MRPL22: variants seen among roughly 807,000 people sequenced by gnomAD.
MRPL22 encodes mitochondrial ribosomal protein L22.
In MRPL22, 27 loss-of-function variants were observed where a neutral mutation model predicts 32.4. The ratio of observed to expected loss-of-function variants is 0.83; its 90% confidence interval spans 0.61 to 1.15. The LOEUF (loss-of-function observed/expected upper bound fraction) is 1.15. Ranked by LOEUF, MRPL22 falls within the 50% of genes most tolerant of loss-of-function variation. The pLI is 0.00. For synonymous variants in MRPL22, 86 were observed against 87.3 expected (o/e 0.99, Z 0.08); for missense variants, 239 against 260.2 (o/e 0.92, Z 0.56).
chr5:154,961,480 A>G (rs1270972712), intron 6 of MRPL22, among the ~76,000 whole-genome samples: 1 of 152,204 alleles, frequency 6.6e-6, no homozygotes, highest in Non-Finnish European at 1.5e-5. Context: ...TAGCTGATAG[A>G]CTTTCTAATG....
chr5:154,948,745 C>G (rs1764523873), intron 2 of MRPL22, among the ~76,000 whole-genome samples: 1 of 152,208 alleles, frequency 6.6e-6, no homozygotes, highest in African/African-American at 2.4e-5. Flanking sequence ...TTTTCCTCAT[C>G]TACTACTTGG....
chr5:154,954,687 C>T (rs1764608950), intron 3 of MRPL22, among the ~76,000 whole-genome samples: 1 of 152,196 alleles, frequency 6.6e-6, no homozygotes. Context: ...ATCCTCTGGT[C>T]AGGATTACCA....
chr5:154,956,085 C>T, intron 3 of MRPL22: 1 of 291,552 alleles, frequency 3.4e-6, no homozygotes, highest in Non-Finnish European at 6.3e-6. Flanking sequence ...TCATTTAAAT[C>T]TTTTAGGATT....
At chr5:154,966,573 C>G in intron 6 of MRPL22, 113 bp from the exon 7 acceptor site, 2 of 1,086,018 alleles carry the variant, frequency 1.8e-6, no homozygotes. Flanking sequence ...TCTAGCCAAC[C>G]AGTGAGCCCA....
intron 3 of MRPL22, 26 bp from the exon 4 acceptor site, chr5:154,956,343 TTC>T: frequency 6.6e-7 from 1 of 1,509,258 alleles, no homozygotes; most frequent in Non-Finnish European, 9.2e-7. Flanking sequence ...AACATTTTCT[TTC>T]TGTCCTTTTT....
chr5:154,966,885 T>C lies in MRPL22; in HGVS notation c.609T>C (p.Val203=), dbSNP rs772943536. The C allele has an allele frequency of 1.9e-6, 3 of 1,611,878 alleles. No homozygotes were observed. In the South Asian group the frequency reaches 3.3e-5, roughly 18 times the overall value. The change falls in exon 7 of 7, where the codon GTT becomes GTC. Residue 203 remains valine (V), a synonymous_variant. Transcript: ENST00000523037. ...AGCAGCTTCGCAGCCGGACCATCGT[T>C]CACACTCTATGATGAGGAGATTCAG... ...YIQQLRSRTI[V]HTL
chr5:154,947,822 G>A (rs981259911), intron 2 of MRPL22, among the ~76,000 whole-genome samples: 5 of 152,186 alleles, frequency 3.3e-5, no homozygotes, highest in East Asian at 3.8e-4. Context: ...AAGACAACGC[G>A]AGAATCATGA....
intron 2 of MRPL22, among the ~76,000 whole-genome samples, chr5:154,948,693 T>C (rs1345205027): frequency 6.6e-6 from 1 of 152,246 alleles, no homozygotes; most frequent in Admixed American, 6.5e-5. Context: ...GATGCTATAA[T>C]AATTTGCTAT....
chr5:154,956,664 A>AT, intron 4 of MRPL22: 1 of 446,350 alleles, frequency 2.2e-6, no homozygotes, highest in South Asian at 4.0e-5. Flanking sequence ...ACTAAAAGGC[A>AT]TCAGGAGTTT....
intron 3 of MRPL22, among the ~76,000 whole-genome samples, chr5:154,952,700 T>C (rs975935919): frequency 6.6e-6 from 1 of 152,178 alleles, no homozygotes; most frequent in Non-Finnish European, 1.5e-5. Flanking sequence ...TTACCAGAAA[T>C]AATTTATTCA....
At chr5:154,958,007 C>T (rs1239515667) in intron 5 of MRPL22, among the ~76,000 whole-genome samples, 1 of 149,450 alleles carries the variant, frequency 6.7e-6, no homozygotes, top group Non-Finnish European at 1.5e-5. Flanking sequence ...GTCTCCGCCT[C>T]CTGCGTTCAA....
rs186559152 is a variant in MRPL22, at chr5:154,962,393, A to G, written c.409+2344A>G. 1.4e-4 allele frequency among the ~76,000 whole-genome samples: 22 copies of G among 152,308 alleles called. No individual in the cohort carries two copies. The East Asian group carries it at 4.0e-3, about 28-fold the overall frequency. ...TAATAAACTATTGATTCTTAACCAT[A>G]AAATATGGGAAACTGATTTATCTTA... is the stretch of plus-strand genomic sequence containing the variant. On this transcript the variant is annotated intron_variant, in intron 6 of 6. Coordinates refer to ENST00000523037, the MANE Select transcript of MRPL22 (RefSeq NM_014180.4).
At chr5:154,952,636 A>T (rs1485828123) in intron 3 of MRPL22, among the ~76,000 whole-genome samples, 1 of 152,214 alleles carries the variant, frequency 6.6e-6, no homozygotes, top group Non-Finnish European at 1.5e-5. Context: ...ATATTGGTAC[A>T]TCAGTTGTAC....
chr5:154,946,231 GGTGAT>G (rs1764489196), intron 2 of MRPL22, among the ~76,000 whole-genome samples: 1 of 152,092 alleles, frequency 6.6e-6, no homozygotes, highest in Non-Finnish European at 1.5e-5. Flanking sequence ...TCATGCTGTT[GGTGAT>G]GAGATTAGAG....
chr5:154,960,051 T>C lies in MRPL22; in HGVS notation c.409+2T>C. 1 of 1,585,922 alleles carries C rather than the reference T, an allele frequency of 6.3e-7. No homozygotes were observed. Among genetic ancestry groups the C allele is most frequent in the Non-Finnish European group, 8.7e-7 (1 of 1,155,654 alleles). On this transcript the variant is annotated splice_donor_variant, in intron 6 of 6. Coordinates refer to ENST00000523037, the MANE Select transcript of MRPL22 (RefSeq NM_014180.4). LOFTEE classifies it high-confidence loss of function. ...AATTCAGGTCCAATTTATATATAGG[T>C]AAGATTTTTAATATTCTTAGCATTA... is the stretch of plus-strand genomic sequence containing the variant.
chr5:154,957,315 T>C, intron 5 of MRPL22, 103 bp downstream of exon 5: 1 of 962,330 alleles, frequency 1.0e-6, no homozygotes, highest in Non-Finnish European at 1.6e-6. Context: ...TCCCTAAATT[T>C]TCTGTTGTAA....
intron 2 of MRPL22, among the ~76,000 whole-genome samples, chr5:154,949,768 G>C (rs1249113800): frequency 6.6e-6 from 1 of 152,096 alleles, no homozygotes; most frequent in Non-Finnish European, 1.5e-5. Flanking sequence ...GTTAAAGTGT[G>C]GGGGAAGAGG....
At position 154,968,155 on chromosome 5, in the gene MRPL22, A is replaced by G. The variant is rs1174116835; in HGVS notation, c.*1258A>G. 3 of 152,232 alleles carry G rather than the reference A, an allele frequency of 2.0e-5. No individual in the cohort carries two copies. The highest frequency in any genetic ancestry group is 4.4e-5 in the Non-Finnish European group (3 of 68,040). 9.4% of individuals were successfully genotyped at this position (152,232 alleles called of 1,614,324 possible). A position where few individuals can be genotyped will look rare whatever the true frequency, so the allele number is the denominator to read the frequency against. ...AAATAACTATCACAAGTCACACAGC[A>G]TGTAAATATTGGGGCTATGATTGAA... is the stretch of plus-strand genomic sequence containing the variant. On this transcript the variant is annotated 3_prime_UTR_variant, in exon 7 of 7. Coordinates refer to ENST00000523037, the MANE Select transcript of MRPL22 (RefSeq NM_014180.4).
intron 5 of MRPL22, among the ~76,000 whole-genome samples, chr5:154,958,668 C>T (rs1429452775): frequency 6.6e-6 from 1 of 151,154 alleles, no homozygotes; most frequent in Admixed American, 6.6e-5. Flanking sequence ...CCTCAGCCTA[C>T]CGAGTAGCTG....
Sources: allele counts gnomAD v4.1 joint callset (sites outside exome capture counted in the v4.1 genomes callset), GRCh38; gene constraint gnomAD v4.1.1; transcripts MANE v1.5; gene names NCBI Gene and HGNC (gene_info 2026-07-23, HGNC 2026-07-21).